Variants in PDE4D observed in about 807,000 individuals in gnomAD.
PDE4D encodes the protein phosphodiesterase 4D.
A neutral mutation model predicts 87.4 loss-of-function variants in PDE4D; 24 were observed. The ratio of observed to expected loss-of-function variants is 0.27; its 90% CI spans 0.20 to 0.39. The LOEUF (loss-of-function observed/expected upper bound fraction) is 0.39. Among genes scored for constraint, PDE4D ranks in the 10% least tolerant of loss-of-function variants. The pLI is 1.00. For synonymous variants in PDE4D, 384 were observed against 383.2 expected (o/e 1.00, Z -0.02); for missense variants, 714 against 1,041.0 (o/e 0.69, Z 4.32).
intron 1 of PDE4D, among the ~76,000 whole-genome samples, chr5:60,507,295 G>A (rs1249830782): frequency 2.0e-5 from 3 of 152,036 alleles, no homozygotes; most frequent in Non-Finnish European, 2.9e-5. Context: ...GGCTGGTCTC[G>A]AACTCCTGAC....
At chr5:59,953,513 A>G (rs1758512967) in intron 3 of PDE4D, among the ~76,000 whole-genome samples, 1 of 152,172 alleles carries the variant, frequency 6.6e-6, no homozygotes, top group South Asian at 2.1e-4. Context: ...ATAAAACTGA[A>G]CATTAATCCG....
At chr5:60,247,406 T>A (rs1445178882) in intron 1 of PDE4D, among the ~76,000 whole-genome samples, 3 of 152,016 alleles carry the variant, frequency 2.0e-5, no homozygotes, top group African/African-American at 7.2e-5. Context: ...AAAAAGTAAC[T>A]TATTTTCTCT....
intron 3 of PDE4D, among the ~76,000 whole-genome samples, chr5:59,929,933 G>C (rs2152786744): frequency 6.6e-6 from 1 of 152,210 alleles, no homozygotes; most frequent in Middle Eastern, 3.4e-3. Context: ...AAAAATGTTA[G>C]CTTCATGCAA....
chr5:59,647,736 T>G (rs1334904422), intron 1 of PDE4D, among the ~76,000 whole-genome samples: 1 of 152,186 alleles, frequency 6.6e-6, no homozygotes, highest in Non-Finnish European at 1.5e-5. Context: ...ATTATATATA[T>G]GTGTTCACAT....
rs772806416 is a variant in PDE4D, at chr5:58,972,652, A to G, written c.*2012T>C. 3.9e-5 allele frequency: 6 copies of G among 152,196 alleles called. No individual in the cohort carries two copies. The highest frequency in any genetic ancestry group is 8.8e-5 in the Non-Finnish European group (6 of 68,030). 9.4% of individuals were successfully genotyped at this position (152,196 alleles called of 1,614,324 possible). The stretch of plus-strand genomic sequence containing the variant: ...CTTCTATCTATCTCAATTCTTGAAT[A>G]TCAATGTGAAAAATGATTATTTGGG... On this transcript the variant is annotated 3_prime_UTR_variant, in exon 15 of 15. Transcript: ENST00000340635.
At chr5:60,467,191 C>A (rs1747424490) in intron 1 of PDE4D, among the ~76,000 whole-genome samples, 1 of 151,936 alleles carries the variant, frequency 6.6e-6, no homozygotes, top group Non-Finnish European at 1.5e-5. Context: ...AGGCACACAC[C>A]ACCACACCCA....
At chr5:59,168,333 C>T (rs149411872) in intron 5 of PDE4D, among the ~76,000 whole-genome samples, 41 of 152,282 alleles carry the variant, frequency 2.7e-4, no homozygotes, top group Non-Finnish European at 4.9e-4. Context: ...TGAGTGCTAA[C>T]GCTGAAGCAC....
Position 60,401,245 on chromosome 5 carries a change from C to T in PDE4D, c.-90+86697G>A, listed in dbSNP as rs375888050. Among the ~76,000 whole-genome samples, 43 of 152,242 alleles carry T rather than the reference C, an allele frequency of 2.8e-4. No individual in the cohort carries two copies. In the South Asian group the frequency reaches 5.4e-3, roughly 19 times the overall value. On this transcript the variant is annotated intron_variant, in intron 1 of 16. Coordinates refer to the PDE4D transcript ENST00000502484. ...CCAACAAGGAGACTGCACAAAAAGC[C>T]GGCTTCATGCTCCATACAGTACAGT...
intron 1 of PDE4D, among the ~76,000 whole-genome samples, chr5:60,285,262 C>T (rs759537728): frequency 2.0e-5 from 3 of 151,862 alleles, no homozygotes; most frequent in Non-Finnish European, 4.4e-5. Context: ...AAACATGCAC[C>T]GCCACAAAGG....
intron 1 of PDE4D, among the ~76,000 whole-genome samples, chr5:59,691,977 C>A (rs1207655528): frequency 6.6e-6 from 1 of 151,852 alleles, no homozygotes; most frequent in Admixed American, 6.6e-5. Flanking sequence ...ACAACCTGGG[C>A]AAAATATAAA....
At chr5:59,547,532 T>C (rs558037851) in intron 1 of PDE4D, among the ~76,000 whole-genome samples, 1 of 152,330 alleles carries the variant, frequency 6.6e-6, no homozygotes, top group South Asian at 2.1e-4. Flanking sequence ...AGCCAAATTT[T>C]GACTTTTTTG....
intron 1 of PDE4D, among the ~76,000 whole-genome samples, chr5:59,243,487 TTC>T (rs1325927359): frequency 2.4e-5 from 3 of 127,432 alleles, no homozygotes; most frequent in Non-Finnish European, 4.9e-5. Flanking sequence ...GAGACGGAGT[TTC>T]TCTCTTGTTG....
intron 5 of PDE4D, among the ~76,000 whole-genome samples, chr5:59,071,683 C>CTTTTTTTTTTTTTTTTTT (rs10701223): frequency 2.1e-4 from 17 of 82,404 alleles, no homozygotes; most frequent in Admixed American, 4.0e-4. Context: ...TATTTCTCTT[C>CTTTTTTTTTTTTTTTTTT]TTTTTTTTTT....
intron 1 of PDE4D, among the ~76,000 whole-genome samples, chr5:59,850,554 G>A (rs559193699): frequency 6.6e-6 from 1 of 152,036 alleles, no homozygotes; most frequent in East Asian, 1.9e-4. Flanking sequence ...GCATAGAGAC[G>A]TGAAATTGCT....
chr5:60,211,094 C>T (rs994054176), intron 1 of PDE4D, among the ~76,000 whole-genome samples: 1 of 152,214 alleles, frequency 6.6e-6, no homozygotes, highest in Non-Finnish European at 1.5e-5. Context: ...AATCATTGAG[C>T]CCTGTCACTC....
rs767626308 is a variant in PDE4D at position 58,975,820 on chromosome 5, T to C, written c.1850A>G (p.His617Arg). The C allele has an allele frequency of 6.4e-7, 1 of 1,556,748 alleles. No homozygotes were observed. The highest frequency in any genetic ancestry group is 2.3e-5 in the East Asian group (1 of 42,722). The change falls in exon 14 of 15, where the codon CAC becomes CGC. Residue 617 changes from histidine to arginine, a missense_variant. Around this residue, in one of 7 missense-constraint regions of PDE4D, gnomAD observed 97 missense variants for 176.9 expected, o/e 0.55. Transcript: ENST00000340635. The surrounding 1 kb of genome is among the most constrained non-coding windows in gnomAD (Gnocchi z 4.2). ...TGTTGGGTTGCTCAGATCTGCACAG[T>C]GCACCATATTCTGAAGAACCTAAAA... is the stretch of plus-strand genomic sequence containing the variant. ...DRIQVLQNMVHCADLSNPTKP... is the reference protein window; with the variant it reads ...DRIQVLQNMVRCADLSNPTKP...
At chr5:60,025,971 G>C (rs954450768) in intron 2 of PDE4D, among the ~76,000 whole-genome samples, 12 of 152,126 alleles carry the variant, frequency 7.9e-5, no homozygotes, top group Admixed American at 6.5e-4. Flanking sequence ...GGATTGTCTA[G>C]TTAGCAGATT....
At chr5:60,135,659 A>C (rs1779974311) in intron 2 of PDE4D, among the ~76,000 whole-genome samples, 1 of 152,174 alleles carries the variant, frequency 6.6e-6, no homozygotes, top group Non-Finnish European at 1.5e-5. Context: ...CTGGAGAAGA[A>C]AATAATCAAA....
At position 60,417,228 on chromosome 5, in the gene PDE4D, T is replaced by C. The variant is rs1180715849; in HGVS notation, c.-90+70714A>G. 2.6e-5 allele frequency among the ~76,000 whole-genome samples: 4 copies of C among 152,362 alleles called. No individual in the cohort carries two copies. The East Asian group carries it at 5.8e-4, about 22-fold the overall frequency. ...GCGGATTCTCCCCACAGATTTATCT[T>C]GTTTAATCTGTGAGATGAGTACAAT... is the stretch of plus-strand genomic sequence containing the variant. On this transcript the variant is annotated intron_variant, in intron 1 of 16. Coordinates refer to the PDE4D transcript ENST00000502484.
Sources: gnomAD v4.1 joint callset for allele counts (sites outside exome capture counted in the v4.1 genomes callset) on GRCh38, gnomAD v4.1.1 for gene constraint, gnomAD v4.1.1 regional missense constraint, Gnocchi (gnomAD v3.1) non-coding constraint, MANE v1.5 for transcripts, NCBI Gene and HGNC (gene_info 2026-07-23, HGNC 2026-07-21) for gene names.